The following GATA1 variants were observed in gnomAD, a reference collection of about 807,000 sequenced individuals.
The protein encoded by GATA1 is GATA binding protein 1, also known as erythroid transcription factor.
A neutral mutation model predicts 18.9 loss-of-function variants in GATA1; 2 were observed. The observed-to-expected ratio is 0.11, with a 90% CI of 0.04 to 0.33. GATA1 has a LOEUF of 0.33. Ranked by LOEUF, GATA1 falls within the 10% of genes least tolerant of loss-of-function variation. GATA1 has a pLI of 1.00. For synonymous variants in GATA1, 152 were observed against 149.1 expected, an observed-to-expected ratio of 1.02 and a Z score of -0.14; for missense variants, 272 against 344.7, an observed-to-expected ratio of 0.79 and a Z score of 1.67.
chrX:48,793,782 CT>C lies in GATA1; in HGVS notation c.871-6del. 8.3e-7 allele frequency: 1 copy of C among 1,210,395 alleles called. No homozygotes were observed. Among genetic ancestry groups the C allele is most frequent in the South Asian group, 1.8e-5 (1 of 56,575 alleles). ...TGGAGTTGGGGACACCCGCAGCCTC[CT>C]TTTTGGCAGGTGAACCGGCCACTGA... On this transcript the variant is annotated splice_polypyrimidine_tract_variant and intron_variant, in intron 5 of 5. Coordinates refer to ENST00000376670, the MANE Select transcript of GATA1 (RefSeq NM_002049.4).
intron 1 of GATA1, among the ~76,000 whole-genome samples, chrX:48,787,522 C>T (rs1557019393): frequency 1.8e-5 from 2 of 111,221 alleles, no homozygotes; most frequent in South Asian, 3.7e-4. Context: ...AACCCTTGAA[C>T]TCCCCAGACT....
In GATA1 at chrX:48,790,005, G is replaced by A. The variant is rs1194409595; in HGVS notation, c.-19-1086G>A. On this transcript the variant is annotated intron_variant, in intron 1 of 5. Coordinates refer to ENST00000376670, the MANE Select transcript of GATA1 (RefSeq NM_002049.4). ...CTAGAGGGGGAGGGAAGAAAGGACG[G>A]GGGGACGGGGAGAATAAGAGGAAGT... 1.2e-4 allele frequency among the ~76,000 whole-genome samples: 13 copies of A among 109,322 alleles called. No individual in the cohort carries two copies. In the Admixed American group the frequency reaches 1.3e-3, roughly 11 times the overall value. 94.9% of individuals were successfully genotyped at this position (109,322 alleles called of 115,157 possible).
rs1557019983 is a variant in GATA1 at position 48,791,073 on chromosome X, C to A, written c.-19-18C>A. The A allele has an allele frequency of 9.1e-7, 1 of 1,095,639 alleles. No homozygotes were observed. The highest frequency in any genetic ancestry group is 2.3e-5 in the Admixed American group (1 of 43,176). The allele number at this position is 1,095,639 out of a possible 1,213,427, so 90.3% of individuals were successfully genotyped here. A position where few individuals can be genotyped will look rare whatever the true frequency, so the allele number is the denominator to read the frequency against. On this transcript the variant is annotated intron_variant, in intron 1 of 5. Transcript: ENST00000376670. ...GGGGAAGGATTTCTGTGTCTGAGGACCCCTTCTGTCCTCGCAGGTTAATCC... is the reference window on the plus strand; with the variant it reads ...GGGGAAGGATTTCTGTGTCTGAGGAACCCTTCTGTCCTCGCAGGTTAATCC...
rs781841789 is a variant in GATA1 at position 48,790,376 on chromosome X, G to A, written c.-19-715G>A. 2.0e-3 allele frequency among the ~76,000 whole-genome samples: 222 copies of A among 111,213 alleles called. 1 individual carries two copies. Among genetic ancestry groups the A allele is most frequent in the Middle Eastern group, 4.6e-3 (1 of 217 alleles). On this transcript the variant is annotated intron_variant, in intron 1 of 5. Coordinates refer to ENST00000376670, the MANE Select transcript of GATA1 (RefSeq NM_002049.4). Reference sequence around the variant, plus strand: ...AGGCTGAGGCAGGAGGATCACTGCCGGGAGGCAGTGGTTGCAGTGAGCCGA... The same window carrying A: ...AGGCTGAGGCAGGAGGATCACTGCCAGGAGGCAGTGGTTGCAGTGAGCCGA...
intron 5 of GATA1, 86 bp from the exon 6 acceptor site, chrX:48,793,707 A>G: frequency 8.7e-7 from 1 of 1,146,142 alleles, no homozygotes; most frequent in African/African-American, 1.8e-5. Context: ...TTACCCTGAA[A>G]GAAGTGGGGT....
chrX:48,793,413 C>A, intron 5 of GATA1, 116 bp downstream of exon 5: 3 of 731,625 alleles, frequency 4.1e-6, no homozygotes, highest in Middle Eastern at 4.4e-4. Flanking sequence ...TTCCTCTTTC[C>A]CCTTTCCCTC....
At chrX:48,787,998 G>T (rs1413193830) in intron 1 of GATA1, among the ~76,000 whole-genome samples, 1 of 110,927 alleles carries the variant, frequency 9.0e-6, no homozygotes, top group Admixed American at 9.6e-5. Context: ...CCCCAGCCTC[G>T]AGATAAACTT....
intron 1 of GATA1, 66 bp from the exon 2 acceptor site, chrX:48,791,025 A>G: frequency 1.4e-6 from 1 of 697,690 alleles, no homozygotes. Context: ...AGGAGGGAAG[A>G]GGAGCAGGTG....
intron 5 of GATA1, 81 bp from the exon 6 acceptor site, chrX:48,793,712 T>A (rs1252967103): frequency 1.7e-6 from 2 of 1,151,306 alleles, no homozygotes; most frequent in Non-Finnish European, 2.4e-6. Flanking sequence ...CTGAAAGAAG[T>A]GGGGTAGAGA....
chrX:48,787,027 T>G (rs148929866), intron 1 of GATA1, among the ~76,000 whole-genome samples: 6 of 110,033 alleles, frequency 5.5e-5, no homozygotes, highest in African/African-American at 2.0e-4. Flanking sequence ...CTTGTCTCTG[T>G]CTCCCTGACT....
intron 1 of GATA1, among the ~76,000 whole-genome samples, chrX:48,790,869 C>T (rs984728576): frequency 2.4e-5 from 2 of 83,394 alleles, no homozygotes; most frequent in Admixed American, 1.5e-4. Flanking sequence ...AGGAGTGGAA[C>T]GGGGAGATGC....
intron 5 of GATA1, 113 bp downstream of exon 5, chrX:48,793,410 T>G: frequency 4.2e-6 from 3 of 721,620 alleles, no homozygotes; most frequent in Non-Finnish European, 6.2e-6. Flanking sequence ...TCTTTCCTCT[T>G]TCCCCTTTCC....
In GATA1 at chrX:48,792,124, C is replaced by T. The variant is rs148357840; in HGVS notation, c.501C>T (p.Asp167=). The T allele has an allele frequency of 4.1e-6, 5 of 1,209,631 alleles. No individual in the cohort carries two copies. The highest frequency in any genetic ancestry group is 5.6e-6 in the Non-Finnish European group (5 of 894,768). Residue 167 remains aspartate (D), a synonymous_variant, in exon 3 of 6, where the codon GAC becomes GAT. Coordinates refer to ENST00000376670, the MANE Select transcript of GATA1 (RefSeq NM_002049.4). ...CCAATAGTGCTTATGGGGGCCCTGA[C>T]TTTTCCAGTACCTTCTTTTCTCCCA... ...PVPNSAYGGP[D]FSSTFFSPTG... is the part of the protein sequence containing the mutation.
At chrX:48,793,699 AC>A in intron 5 of GATA1, 93 bp from the exon 6 acceptor site, 1 of 1,122,538 alleles carries the variant, frequency 8.9e-7, no homozygotes, top group Non-Finnish European at 1.2e-6. Flanking sequence ...AAATTATCTT[AC>A]CCTGAAAGAA....
At chrX:48,792,591 C>A in intron 4 of GATA1, 123 bp downstream of exon 4, 1 of 909,123 alleles carries the variant, frequency 1.1e-6, no homozygotes, top group Non-Finnish European at 1.6e-6. Context: ...TACTGCAGGC[C>A]ACCCTGTATG....
At chrX:48,793,409 T>C in intron 5 of GATA1, 112 bp downstream of exon 5, 7 of 722,931 alleles carry the variant, frequency 9.7e-6, no homozygotes, top group Non-Finnish European at 1.4e-5. Flanking sequence ...CTCTTTCCTC[T>C]TTCCCCTTTC....
At position 48,794,231 on chromosome X, in the gene GATA1, A is replaced by G. The variant is rs1557020685; in HGVS notation, c.*67A>G. 1 of 1,164,299 alleles carries G rather than the reference A, an allele frequency of 8.6e-7. No homozygotes were observed. Among genetic ancestry groups the G allele is most frequent in the Admixed American group, 2.3e-5 (1 of 42,723 alleles). On this transcript the variant is annotated 3_prime_UTR_variant, in exon 6 of 6. Coordinates refer to ENST00000376670, the MANE Select transcript of GATA1 (RefSeq NM_002049.4). ...TCCTCTTGTAGCCAGAATTCTGGAC[A>G]ACCCAAGTCTCTGGGCCCCAGGCAC...
At chrX:48,790,088 GAGA>G (rs1273643345) in intron 1 of GATA1, among the ~76,000 whole-genome samples, 1 of 109,273 alleles carries the variant, frequency 9.2e-6, no homozygotes, top group Non-Finnish European at 1.9e-5. Flanking sequence ...GAAAAGGGAG[GAGA>G]AGGATGAAGA....
Position 48,791,446 on chromosome X carries a change from C to T in GATA1, c.220+117C>T, listed in dbSNP as rs1602219348. 11 of 704,785 alleles carry T rather than the reference C, an allele frequency of 1.6e-5. No individual in the cohort carries two copies. The East Asian group carries it at 3.8e-4, about 25-fold the overall frequency. 58.1% of individuals were successfully genotyped at this position (704,785 alleles called of 1,213,427 possible). On this transcript the variant is annotated intron_variant, in intron 2 of 5. Transcript: ENST00000376670. Reference sequence around the variant, plus strand: ...ATATCTCAGAAATGGCTGGAAGCTTCTCAAATGGATGTGCCGACCACTTTC... The same window carrying T: ...ATATCTCAGAAATGGCTGGAAGCTTTTCAAATGGATGTGCCGACCACTTTC...
Sources: gnomAD v4.1 joint callset for allele counts (sites outside exome capture counted in the v4.1 genomes callset) on GRCh38, gnomAD v4.1.1 for gene constraint, MANE v1.5 for transcripts, NCBI Gene and HGNC (gene_info 2026-07-23, HGNC 2026-07-21) for gene names.